Variants in PLCD4 observed in about 807,000 individuals in gnomAD.
The protein encoded by PLCD4 is phospholipase C delta 4.
In PLCD4, 63 loss-of-function variants were observed where a neutral mutation model predicts 90.2. That is an observed-to-expected ratio of 0.70 (90% CI 0.57 to 0.86). The LOEUF is 0.86. Ranked by LOEUF, PLCD4 falls within the 40% of genes least tolerant of loss-of-function variation. The pLI, the probability that PLCD4 is intolerant of heterozygous loss-of-function variation, is 0.00. For missense variants in PLCD4, 830 were observed against 956.3 expected, an observed-to-expected ratio of 0.87 and a Z score of 1.74; for synonymous variants, 294 against 356.5, an observed-to-expected ratio of 0.82 and a Z score of 1.97.
At position 218,632,234 on chromosome 2, in the gene PLCD4, A is replaced by C; in HGVS notation, c.1371A>C (p.Ser457=). 6.2e-7 allele frequency: 1 copy of C among 1,611,712 alleles called. No individual in the cohort carries two copies. The stretch of plus-strand genomic sequence containing the variant: ...AAGCAGAACCTGAGTTGGAAGAGTC[A>C]GAATTGGCGCTGGAGTCCCAGTTTG... ...EEEAEPELEE[S]ELALESQFET... is the part of the protein sequence containing the mutation. Residue 457 remains serine, a synonymous_variant, in exon 10 of 16, where the codon TCA becomes TCC. Coordinates refer to ENST00000450993, the MANE Select transcript of PLCD4 (RefSeq NM_032726.4).
intron 1 of PLCD4, among the ~76,000 whole-genome samples, chr2:218,614,671 A>C (rs1316477308): frequency 6.8e-6 from 1 of 146,082 alleles, no homozygotes; most frequent in East Asian, 2.2e-4. Context: ...GGCAGGTCTC[A>C]AACTCCTGAC....
chr2:218,632,426 C>T, intron 10 of PLCD4, 114 bp downstream of exon 10: 2 of 1,056,670 alleles, frequency 1.9e-6, no homozygotes, highest in Non-Finnish European at 2.6e-6. Context: ...AATGACCCTT[C>T]CTCCCAATGA....
chr2:218,633,043 G>A (rs1368168724), intron 10 of PLCD4, among the ~76,000 whole-genome samples: 2 of 152,072 alleles, frequency 1.3e-5, no homozygotes, highest in East Asian at 3.9e-4. Context: ...TGCTTTCTGG[G>A]GCTGTGGTGT....
intron 9 of PLCD4, among the ~76,000 whole-genome samples, chr2:218,631,765 C>T: frequency 6.6e-6 from 1 of 151,116 alleles, no homozygotes; most frequent in Non-Finnish European, 1.5e-5. Flanking sequence ...GCACTCCAGC[C>T]CGGGCGACAG....
chr2:218,631,767 G>C (rs1250504582), intron 9 of PLCD4, among the ~76,000 whole-genome samples: 2 of 151,490 alleles, frequency 1.3e-5, no homozygotes, highest in African/African-American at 4.8e-5. Context: ...ACTCCAGCCC[G>C]GGCGACAGTG....
chr2:218,634,247 G>C lies in PLCD4; in HGVS notation c.1723+26G>C. The C allele has an allele frequency of 1.3e-6, 2 of 1,595,778 alleles. No homozygotes were observed. Among genetic ancestry groups the C allele is most frequent in the Non-Finnish European group, 1.7e-6 (2 of 1,170,866 alleles). ...GTGAGGAGGCAGCAGGGACTGGGAA[G>C]AGGGAGTGGAGGAGCAGCAGGTGGG... On this transcript the variant is annotated intron_variant, in intron 12 of 15. Coordinates refer to ENST00000450993, the MANE Select transcript of PLCD4 (RefSeq NM_032726.4). This position sits in a 1 kb window ranked among gnomAD's most constrained non-coding sequence, Gnocchi z 4.0.
At chr2:218,623,008 A>G in intron 6 of PLCD4, 130 bp downstream of exon 6, 1 of 775,158 alleles carries the variant, frequency 1.3e-6, no homozygotes, top group Non-Finnish European at 2.1e-6. Flanking sequence ...CCCCTGCCCA[A>G]TCATCTCATT....
intron 3 of PLCD4, 102 bp downstream of exon 3, chr2:218,616,164 T>C: frequency 1.5e-6 from 2 of 1,343,546 alleles, no homozygotes; most frequent in South Asian, 1.4e-5. Context: ...GTGTTTGTGC[T>C]GTCCTAATTG....
At position 218,630,635 on chromosome 2, in the gene PLCD4, T is replaced by TC; in HGVS notation, c.1120-11dup. ...TTAGAACTCTGAATCCATTGTTCCC[T>TC]CCCCTCACCACCAGACATCAGACTA... On this transcript the variant is annotated splice_polypyrimidine_tract_variant and intron_variant, in intron 8 of 15. Coordinates refer to ENST00000450993, the MANE Select transcript of PLCD4 (RefSeq NM_032726.4). 1 of 1,613,924 alleles carries TC rather than the reference T, an allele frequency of 6.2e-7. No individual in the cohort carries two copies.
rs1695752853 is a variant in PLCD4 at position 218,618,925 on chromosome 2, CAGA to C, written c.410+119_410+121del. 3 of 930,326 alleles carry C rather than the reference CAGA, an allele frequency of 3.2e-6. No homozygotes were observed. In the South Asian group the frequency reaches 4.8e-5, roughly 15 times the overall value. 57.6% of individuals were successfully genotyped at this position (930,326 alleles called of 1,614,324 possible). On this transcript the variant is annotated intron_variant, in intron 4 of 15. Transcript: ENST00000450993. ...GCAGGGCTAGGGAGGCCCAAGGGTC[CAGA>C]TGGTATGGGCAGGGACAGCTCAGGC... is the stretch of plus-strand genomic sequence containing the variant.
intron 6 of PLCD4, among the ~76,000 whole-genome samples, chr2:218,627,583 G>A (rs1208668216): frequency 6.6e-6 from 1 of 151,960 alleles, no homozygotes; most frequent in East Asian, 1.9e-4. Flanking sequence ...CGCGATCTGG[G>A]CTCACTGCAA....
intron 1 of PLCD4, among the ~76,000 whole-genome samples, chr2:218,614,694 G>A (rs1043137559): frequency 7.0e-6 from 1 of 142,878 alleles, no homozygotes; most frequent in African/African-American, 2.6e-5. Context: ...CTGGTGATCC[G>A]CCAGCCTCGG....
chr2:218,616,923 TATATAGAGAGAGAGAGAG>T (rs1286359683), intron 3 of PLCD4, among the ~76,000 whole-genome samples: 3 of 24,152 alleles, frequency 1.2e-4, no homozygotes, highest in African/African-American at 3.5e-4. Flanking sequence ...TATATATATA[TATATAGAGAGAGAGAGAG>T]AGAGAGAGAG....
In PLCD4 at chr2:218,636,959, C is replaced by T. The variant is rs1178828194; in HGVS notation, c.*382C>T. On this transcript the variant is annotated 3_prime_UTR_variant, in exon 16 of 16. Coordinates refer to ENST00000450993, the MANE Select transcript of PLCD4 (RefSeq NM_032726.4). ...TCAGAGGGGCTTGGAATAGAGAAAC[C>T]TAAAGAAGCATCATCCCCTCCATCC... 3 of 456,936 alleles carry T rather than the reference C, an allele frequency of 6.6e-6. No individual in the cohort carries two copies. Among genetic ancestry groups the T allele is most frequent in the South Asian group, 4.7e-5 (3 of 64,266 alleles). 28.3% of individuals were successfully genotyped at this position (456,936 alleles called of 1,614,324 possible).
At chr2:218,628,460 A>T in intron 7 of PLCD4, 1 of 488,832 alleles carries the variant, frequency 2.0e-6, no homozygotes, top group Non-Finnish European at 3.7e-6. Flanking sequence ...CTCTCCTGGA[A>T]CTCAGAGGCC....
At chr2:218,631,092 A>T (rs1257035581) in intron 9 of PLCD4, among the ~76,000 whole-genome samples, 1 of 152,204 alleles carries the variant, frequency 6.6e-6, no homozygotes, top group African/African-American at 2.4e-5. Flanking sequence ...TGTGGACTAT[A>T]CAAACAATAT....
intron 10 of PLCD4, chr2:218,633,254 T>C: frequency 3.3e-6 from 2 of 613,290 alleles, no homozygotes; most frequent in Non-Finnish European, 5.8e-6. Flanking sequence ...GGATAATGCC[T>C]CTCTGTTTAA....
chr2:218,610,507 C>CA (rs35463933), intron 1 of PLCD4, among the ~76,000 whole-genome samples: 4,188 of 147,698 alleles, frequency 0.028, 181 homozygotes, highest in African/African-American at 0.096. Context: ...CACTCCGTCT[C>CA]AAAAAAAAAT....
chr2:218,612,566 G>C (rs1423287881), intron 1 of PLCD4, among the ~76,000 whole-genome samples: 1 of 152,188 alleles, frequency 6.6e-6, no homozygotes, highest in Non-Finnish European at 1.5e-5. Flanking sequence ...GAGATCAGGA[G>C]TTGGAGACCA....
Sources: allele counts gnomAD v4.1 joint callset (sites outside exome capture counted in the v4.1 genomes callset), GRCh38; gene constraint gnomAD v4.1.1; non-coding constraint Gnocchi (gnomAD v3.1); transcripts MANE v1.5; gene names NCBI Gene and HGNC (gene_info 2026-07-23, HGNC 2026-07-21).